Variants in DIP2C observed in about 807,000 individuals in gnomAD.
DIP2C encodes the protein disco-interacting protein 2 homolog C.
In DIP2C, 33 loss-of-function variants were observed where a neutral mutation model predicts 192.4. That is an observed-to-expected ratio of 0.17 (90% CI 0.13 to 0.23). DIP2C has a LOEUF of 0.23. Ranked by LOEUF, DIP2C falls within the 10% of genes least tolerant of loss-of-function variation. DIP2C has a pLI of 1.00. For missense variants in DIP2C, 1,537 were observed against 2,110.1 expected (o/e 0.73, Z 5.32); for synonymous variants, 979 against 864.1 (o/e 1.13, Z -2.33).
chr10:492,126 G>T (rs542854317), intron 1 of DIP2C, among the ~76,000 whole-genome samples: 1 of 152,154 alleles, frequency 6.6e-6, no homozygotes, highest in Non-Finnish European at 1.5e-5. Flanking sequence ...GACCCCAGAC[G>T]CCGCGGGCCC....
At chr10:674,785 TATATAG>T (rs1436627191) in intron 1 of DIP2C, among the ~76,000 whole-genome samples, 1 of 91,984 alleles carries the variant, frequency 1.1e-5, no homozygotes, top group African/African-American at 6.2e-5. Context: ...TATATATATA[TATATAG>T]AGAGAGAGAG....
chr10:378,512 C>T (rs550670644), intron 17 of DIP2C, among the ~76,000 whole-genome samples: 13 of 150,856 alleles, frequency 8.6e-5, no homozygotes, highest in East Asian at 5.9e-4. Flanking sequence ...CATAAAGACA[C>T]GTGAACACAC....
intron 1 of DIP2C, among the ~76,000 whole-genome samples, chr10:495,539 TTCTGTTTCTTCTAGCGACTCTC>T (rs1844765981): frequency 6.6e-6 from 1 of 151,508 alleles, no homozygotes; most frequent in Non-Finnish European, 1.5e-5. Context: ...GTGGAAAAAA[TTCTGTTTCTTCTAGCGACTCTC>T]TCAGTGAACA....
intron 1 of DIP2C, among the ~76,000 whole-genome samples, chr10:526,000 A>G (rs774116918): frequency 6.6e-6 from 1 of 151,790 alleles, no homozygotes; most frequent in Non-Finnish European, 1.5e-5. Flanking sequence ...CCCGCACACC[A>G]CCTCCTTCTG....
intron 2 of DIP2C, among the ~76,000 whole-genome samples, chr10:472,944 T>G (rs1390968769): frequency 6.6e-6 from 1 of 152,196 alleles, no homozygotes; most frequent in Admixed American, 6.5e-5. Flanking sequence ...TAAGAAAATT[T>G]AAAAGTATAT....
chr10:330,934 C>T (rs1294527187), intron 29 of DIP2C, among the ~76,000 whole-genome samples: 2 of 151,262 alleles, frequency 1.3e-5, no homozygotes, highest in Non-Finnish European at 2.9e-5. Context: ...CACCTCAGTC[C>T]CTGAGTAGCT....
chr10:323,996 C>G (rs1305789750), intron 31 of DIP2C, among the ~76,000 whole-genome samples: 3 of 152,124 alleles, frequency 2.0e-5, no homozygotes, highest in Non-Finnish European at 4.4e-5. Flanking sequence ...CTGCCTGTAG[C>G]CTCTGCACTT....
At chr10:503,385 T>TA (rs1291302223) in intron 1 of DIP2C, among the ~76,000 whole-genome samples, 1 of 152,182 alleles carries the variant, frequency 6.6e-6, no homozygotes, top group Non-Finnish European at 1.5e-5. Context: ...TGGATGGACA[T>TA]AATAAGCACT....
intron 1 of DIP2C, chr10:661,955 A>G: frequency 2.9e-6 from 2 of 699,204 alleles, no homozygotes; most frequent in Non-Finnish European, 5.2e-6. Context: ...TCCCCTCCTG[A>G]CCCAGGCACT....
At chr10:483,133 AC>A (rs1467216232) in intron 2 of DIP2C, among the ~76,000 whole-genome samples, 9 of 151,738 alleles carry the variant, frequency 5.9e-5, no homozygotes, top group Non-Finnish European at 1.3e-4. Context: ...AGGGAACAGA[AC>A]CCCCATTGTA....
At chr10:397,049 T>C (rs868571585) in intron 10 of DIP2C, among the ~76,000 whole-genome samples, 3 of 152,206 alleles carry the variant, frequency 2.0e-5, no homozygotes, top group South Asian at 2.1e-4. Context: ...AAGTTTGAAA[T>C]GCAACCATGT....
chr10:577,690 C>T lies in DIP2C; in HGVS notation c.86-91160G>A, dbSNP rs559699560. On this transcript the variant is annotated intron_variant, in intron 1 of 36. Transcript: ENST00000280886. ...CAGATCTAACTAATACAAGGTTTTG[C>T]TTTTAACAAGCTAAATAACTAGTAA... is the stretch of plus-strand genomic sequence containing the variant. Among the ~76,000 whole-genome samples, 4 of 152,274 alleles carry T rather than the reference C, an allele frequency of 2.6e-5. No homozygotes were observed. In the East Asian group the frequency reaches 5.8e-4, roughly 22 times the overall value.
intron 6 of DIP2C, 144 bp downstream of exon 6, chr10:418,921 T>G: frequency 7.9e-7 from 1 of 1,273,566 alleles, no homozygotes; most frequent in Non-Finnish European, 1.1e-6. Context: ...CCACCTTCCA[T>G]GAGAGGCTCC....
chr10:498,167 C>G (rs895198572), intron 1 of DIP2C, among the ~76,000 whole-genome samples: 4 of 152,216 alleles, frequency 2.6e-5, no homozygotes, highest in African/African-American at 9.6e-5. Flanking sequence ...AATCCAGCCT[C>G]TGTCATGCGT....
At chr10:539,528 T>C (rs565623815) in intron 1 of DIP2C, among the ~76,000 whole-genome samples, 60 of 152,334 alleles carry the variant, frequency 3.9e-4, no homozygotes, top group African/African-American at 1.4e-3. Context: ...CCATAGGCAG[T>C]CCTGCAACCC....
chr10:469,718 C>CA lies in DIP2C; in HGVS notation c.268+2720dup, dbSNP rs377033774. Reference sequence around the variant, plus strand: ...TCCATGCTGCTGCTAAAGTGATCTTCAAACCCTGACTGGCCCCCACTGTCC... The same window carrying CA: ...TCCATGCTGCTGCTAAAGTGATCTTCAAAACCCTGACTGGCCCCCACTGTCC... On this transcript the variant is annotated intron_variant, in intron 3 of 36. Coordinates refer to ENST00000280886, the MANE Select transcript of DIP2C (RefSeq NM_014974.3). 4.9e-3 allele frequency among the ~76,000 whole-genome samples: 749 copies of CA among 152,286 alleles called. 8 individuals carry two copies. Among genetic ancestry groups the CA allele is most frequent in the African/African-American group, 0.017 (701 of 41,562 alleles).
intron 36 of DIP2C, among the ~76,000 whole-genome samples, chr10:280,899 C>T (rs2132131132): frequency 6.6e-6 from 1 of 152,268 alleles, no homozygotes; most frequent in African/African-American, 2.4e-5. Context: ...TTGTTTTCTT[C>T]CTATATCATG....
chr10:425,134 T>C (rs112597671), intron 4 of DIP2C, among the ~76,000 whole-genome samples: 24 of 6,436 alleles, frequency 3.7e-3, no homozygotes, highest in South Asian at 0.033. Context: ...GTGACTAATA[T>C]GACACGGATG....
intron 4 of DIP2C, among the ~76,000 whole-genome samples, chr10:424,940 A>G (rs899698554): frequency 2.0e-5 from 3 of 151,940 alleles, no homozygotes; most frequent in African/African-American, 7.3e-5. Flanking sequence ...AACGGTGACT[A>G]ATATGACACA....
Sources: allele counts gnomAD v4.1 joint callset (sites outside exome capture counted in the v4.1 genomes callset), GRCh38; gene constraint gnomAD v4.1.1; transcripts MANE v1.5; gene names NCBI Gene and HGNC (gene_info 2026-07-23, HGNC 2026-07-21).